CNTN5: variants seen among roughly 807,000 people sequenced by gnomAD.
CNTN5 encodes contactin-5.
In CNTN5, 77 loss-of-function variants were observed where a neutral mutation model predicts 129.1. The observed-to-expected ratio is 0.60, with a 90% confidence interval of 0.50 to 0.72. The LOEUF is 0.72. Ranked by LOEUF, CNTN5 falls within the 30% of genes least tolerant of loss-of-function variation. The pLI, the probability that CNTN5 is intolerant of heterozygous loss-of-function variation, is 0.00. For missense variants in CNTN5, 1,478 were observed against 1,328.8 expected (o/e 1.11, Z -1.75); for synonymous variants, 509 against 465.6 (o/e 1.09, Z -1.20).
chr11:99,864,458 A>T (rs1948301488), intron 6 of CNTN5, among the ~76,000 whole-genome samples: 1 of 151,956 alleles, frequency 6.6e-6, no homozygotes, highest in Admixed American at 6.6e-5. Context: ...CACCCTTTTT[A>T]GATGATGTTT....
At chr11:99,781,712 G>T (rs1945317239) in intron 3 of CNTN5, among the ~76,000 whole-genome samples, 1 of 152,046 alleles carries the variant, frequency 6.6e-6, no homozygotes, top group Non-Finnish European at 1.5e-5. Flanking sequence ...AACGTTCCAT[G>T]TCTGTAAGCA....
At chr11:100,013,174 G>A (rs1565787834) in intron 9 of CNTN5, among the ~76,000 whole-genome samples, 1 of 152,044 alleles carries the variant, frequency 6.6e-6, no homozygotes, top group Non-Finnish European at 1.5e-5. Flanking sequence ...AATAGTCAAT[G>A]GAGACTCAGA....
At chr11:99,372,456 G>C (rs1212019925) in intron 2 of CNTN5, among the ~76,000 whole-genome samples, 1 of 152,176 alleles carries the variant, frequency 6.6e-6, no homozygotes, top group African/African-American at 2.4e-5. Flanking sequence ...TCAAGACACA[G>C]AGTGTTAAAA....
intron 2 of CNTN5, among the ~76,000 whole-genome samples, chr11:99,507,375 CAAA>C (rs35059394): frequency 1.1e-5 from 1 of 87,418 alleles, no homozygotes; most frequent in Admixed American, 1.4e-4. Context: ...GACTCTGTCT[CAAA>C]AAAAAAAAAA....
chr11:100,336,528 T>C (rs1952041856), intron 21 of CNTN5, among the ~76,000 whole-genome samples: 1 of 152,244 alleles, frequency 6.6e-6, no homozygotes, highest in Non-Finnish European at 1.5e-5. Flanking sequence ...TATGAAGATA[T>C]TAAAATGATA....
At chr11:100,144,197 T>C (rs1012280876) in intron 13 of CNTN5, among the ~76,000 whole-genome samples, 1 of 152,186 alleles carries the variant, frequency 6.6e-6, no homozygotes, top group Non-Finnish European at 1.5e-5. Flanking sequence ...CAAATGAGTT[T>C]CATGGTTAAA....
intron 1 of CNTN5, among the ~76,000 whole-genome samples, chr11:99,095,228 T>C (rs375962358): frequency 5.3e-5 from 8 of 152,062 alleles, no homozygotes; most frequent in African/African-American, 1.7e-4. Flanking sequence ...ACCTTTCTGA[T>C]GTATGTATGA....
intron 1 of CNTN5, among the ~76,000 whole-genome samples, chr11:99,228,663 A>T (rs1334691603): frequency 1.3e-5 from 2 of 152,072 alleles, no homozygotes; most frequent in Non-Finnish European, 2.9e-5. Context: ...TACAGTCTTT[A>T]CTAATTTTAA....
chr11:100,276,516 T>G (rs1323224679), intron 18 of CNTN5, among the ~76,000 whole-genome samples: 4 of 101,952 alleles, frequency 3.9e-5, no homozygotes, highest in Non-Finnish European at 7.1e-5. Context: ...GGTGACAGAG[T>G]GAGACTCTCT....
chr11:99,947,440 C>T (rs1306242533), intron 7 of CNTN5, among the ~76,000 whole-genome samples: 1 of 151,634 alleles, frequency 6.6e-6, no homozygotes, highest in Non-Finnish European at 1.5e-5. Flanking sequence ...ACAGTATCCA[C>T]TATTTCTTCA....
intron 3 of CNTN5, among the ~76,000 whole-genome samples, chr11:99,657,116 G>GA (rs942180186): frequency 4.3e-4 from 65 of 150,876 alleles, no homozygotes; most frequent in Admixed American, 7.3e-4. Flanking sequence ...ATAGCTTAAT[G>GA]AAAAAATCGC....
At chr11:99,643,851 T>C (rs549642863) in intron 3 of CNTN5, among the ~76,000 whole-genome samples, 1,892 of 19,466 alleles carry the variant, frequency 0.097, 44 homozygotes, top group Admixed American at 0.13. Context: ...TTCAAAATAA[T>C]TTTAATTAAA....
rs79791890 is a variant in CNTN5, at chr11:99,478,468, G to T, written c.-70-77677G>T. On this transcript the variant is annotated intron_variant, in intron 2 of 24. Transcript: ENST00000524871. ...GAAGTAGGATCCTATTATGTCTGTTGTATTATTTTGCCTAGAAATAAGTTT... is the reference window on the plus strand; with the variant it reads ...GAAGTAGGATCCTATTATGTCTGTTTTATTATTTTGCCTAGAAATAAGTTT... Among the ~76,000 whole-genome samples, 1,070 of 152,172 alleles carry T rather than the reference G, an allele frequency of 7.0e-3. 15 individuals are homozygous for T. The highest frequency in any genetic ancestry group is 0.024 in the African/African-American group (997 of 41,504).
intron 3 of CNTN5, among the ~76,000 whole-genome samples, chr11:99,566,194 C>T (rs1645631476): frequency 1.3e-5 from 2 of 152,058 alleles, no homozygotes; most frequent in Admixed American, 6.6e-5. Context: ...CTCCGAATAA[C>T]GTGAGATCTG....
At chr11:100,223,158 T>C (rs1476169915) in intron 15 of CNTN5, among the ~76,000 whole-genome samples, 1 of 152,178 alleles carries the variant, frequency 6.6e-6, no homozygotes, top group African/African-American at 2.4e-5. Context: ...AAATATCACA[T>C]TCCTTGAAAG....
chr11:99,971,565 C>CA (rs746820825), intron 8 of CNTN5, among the ~76,000 whole-genome samples: 2,520 of 148,622 alleles, frequency 0.017, 29 homozygotes, highest in Non-Finnish European at 0.026. Context: ...AAAAAACAAA[C>CA]AAACAAAAAA....
chr11:99,434,384 GA>G (rs1943520856), intron 2 of CNTN5, among the ~76,000 whole-genome samples: 1 of 152,128 alleles, frequency 6.6e-6, no homozygotes, highest in African/African-American at 2.4e-5. Context: ...ACTGACTTGA[GA>G]TTCGGAGGTT....
At chr11:99,529,952 A>G (rs1947632727) in intron 2 of CNTN5, among the ~76,000 whole-genome samples, 1 of 152,200 alleles carries the variant, frequency 6.6e-6, no homozygotes, top group Admixed American at 6.5e-5. Context: ...TTCCTTTAAT[A>G]AGAAAAACAA....
chr11:99,579,811 A>G (rs2135606848), intron 3 of CNTN5, among the ~76,000 whole-genome samples: 1 of 151,112 alleles, frequency 6.6e-6, no homozygotes, highest in Admixed American at 6.6e-5. Flanking sequence ...TCCTAATTGA[A>G]TGCCCTTTAT....
Sources: gnomAD v4.1 joint callset for allele counts (sites outside exome capture counted in the v4.1 genomes callset) on GRCh38, gnomAD v4.1.1 for gene constraint, MANE v1.5 for transcripts, NCBI Gene and HGNC (gene_info 2026-07-23, HGNC 2026-07-21) for gene names.